The following USP45 variants were observed in gnomAD, a reference collection of about 807,000 sequenced individuals.
USP45 encodes the protein ubiquitin specific peptidase 45.
USP45 carries 89 observed loss-of-function variants against 95.8 expected under a neutral mutation model. That is an observed-to-expected ratio of 0.93 (90% confidence interval 0.78 to 1.11). The LOEUF (loss-of-function observed/expected upper bound fraction) is 1.11, where lower values mean the gene tolerates loss of function less well. USP45 is among the 50% of genes least tolerant of loss of function. USP45 has a pLI of 0.00. For synonymous variants in USP45, 281 were observed against 316.2 expected (o/e 0.89, Z 1.18); for missense variants, 898 against 942.5 (o/e 0.95, Z 0.62).
chr6:99,475,099 T>C (rs1790473401), intron 9 of USP45, among the ~76,000 whole-genome samples: 1 of 152,182 alleles, frequency 6.6e-6, no homozygotes, highest in African/African-American at 2.4e-5. Context: ...CTACTGGGAA[T>C]TTAAAAATTG....
chr6:99,438,844 C>G (rs1780999777), intron 16 of USP45, among the ~76,000 whole-genome samples: 1 of 152,102 alleles, frequency 6.6e-6, no homozygotes, highest in Admixed American at 6.5e-5. Flanking sequence ...GGTTTTAGGG[C>G]TGGGTGCTGG....
chr6:99,445,761 G>A lies in USP45; in HGVS notation c.1975+36C>T, dbSNP rs758923381. ...ATTTGTAACTCACTAGACACTATCA[G>A]GAGATCAATAATTATGTAATTAAAA... On this transcript the variant is annotated intron_variant, in intron 14 of 17. Transcript: ENST00000500704. 3 of 1,419,948 alleles carry A rather than the reference G, an allele frequency of 2.1e-6. No homozygotes were observed. In the African/African-American group the frequency reaches 4.4e-5, roughly 21 times the overall value. 88.0% of individuals were successfully genotyped at this position (1,419,948 alleles called of 1,614,324 possible).
chr6:99,437,039 TGCAGTGA>T (rs1337497845), intron 17 of USP45, among the ~76,000 whole-genome samples, 200 bp downstream of exon 17: 1 of 152,188 alleles, frequency 6.6e-6, no homozygotes, highest in Admixed American at 6.5e-5. Flanking sequence ...AGACAGAGGT[TGCAGTGA>T]GCCAAGATCG....
chr6:99,462,554 G>C, intron 13 of USP45: 1 of 985,270 alleles, frequency 1.0e-6, no homozygotes, highest in East Asian at 1.1e-4. Context: ...TATACCATTA[G>C]AATAAAGCAT....
At chr6:99,486,845 A>AC (rs1794024182) in intron 7 of USP45, among the ~76,000 whole-genome samples, 1 of 152,018 alleles carries the variant, frequency 6.6e-6, no homozygotes, top group South Asian at 2.1e-4. Flanking sequence ...ACACACACAC[A>AC]AACACACACA....
chr6:99,477,389 C>T (rs1199175673), intron 8 of USP45, among the ~76,000 whole-genome samples: 3 of 152,088 alleles, frequency 2.0e-5, no homozygotes, highest in East Asian at 1.9e-4. Flanking sequence ...CTGCAACCTC[C>T]GCCTCCTGGG....
intron 10 of USP45, among the ~76,000 whole-genome samples, chr6:99,467,590 T>C (rs1331435391): frequency 6.6e-6 from 1 of 152,094 alleles, no homozygotes; most frequent in Non-Finnish European, 1.5e-5. Context: ...AAATTGTATT[T>C]AGAAATACTA....
intron 17 of USP45, among the ~76,000 whole-genome samples, chr6:99,436,158 C>G (rs553721222): frequency 3.9e-4 from 59 of 152,152 alleles, no homozygotes; most frequent in African/African-American, 1.4e-3. Context: ...CCCTAGCCCC[C>G]CTCCCCCGAC....
chr6:99,471,341 C>T (rs938343127), intron 9 of USP45, among the ~76,000 whole-genome samples: 1 of 151,600 alleles, frequency 6.6e-6, no homozygotes, highest in Non-Finnish European at 1.5e-5. Flanking sequence ...AATCAATTAG[C>T]AGTATCAAGG....
chr6:99,502,331 A>G (rs1324632917), intron 5 of USP45, among the ~76,000 whole-genome samples: 2 of 152,276 alleles, frequency 1.3e-5, no homozygotes, highest in East Asian at 3.9e-4. Context: ...TTGCTATATT[A>G]AAACTATAAT....
chr6:99,496,158 AAAAT>A (rs1322845838), intron 5 of USP45, among the ~76,000 whole-genome samples: 9 of 152,178 alleles, frequency 5.9e-5, no homozygotes, highest in Non-Finnish European at 1.2e-4. Context: ...AAAACAGACA[AAAAT>A]AAATAGAGAT....
At chr6:99,436,630 C>G (rs1428889183) in intron 17 of USP45, among the ~76,000 whole-genome samples, 1 of 152,064 alleles carries the variant, frequency 6.6e-6, no homozygotes, top group South Asian at 2.1e-4. Flanking sequence ...TCCAACTCTT[C>G]TGACAATCTG....
chr6:99,468,144 G>C, intron 10 of USP45: 1 of 455,624 alleles, frequency 2.2e-6, no homozygotes, highest in Non-Finnish European at 4.4e-6. Context: ...AGTCTTTGGA[G>C]CACTTAAACA....
At chr6:99,452,264 T>C (rs1201873829) in intron 13 of USP45, among the ~76,000 whole-genome samples, 1 of 151,850 alleles carries the variant, frequency 6.6e-6, no homozygotes, top group African/African-American at 2.4e-5. Flanking sequence ...TGGGAGAAAA[T>C]TTTGCAACCT....
chr6:99,499,189 A>G (rs1383307388), intron 5 of USP45, among the ~76,000 whole-genome samples: 1 of 152,224 alleles, frequency 6.6e-6, no homozygotes, highest in African/African-American at 2.4e-5. Flanking sequence ...AAATGTGTTT[A>G]ACATACAGGC....
chr6:99,464,916 G>T, intron 12 of USP45, 164 bp downstream of exon 12: 2 of 959,156 alleles, frequency 2.1e-6, no homozygotes. Context: ...CATACTTTAT[G>T]CATACTTACA....
chr6:99,451,390 A>G (rs904962793), intron 13 of USP45, among the ~76,000 whole-genome samples: 4 of 152,222 alleles, frequency 2.6e-5, no homozygotes, highest in Non-Finnish European at 5.9e-5. Flanking sequence ...TACACCAATA[A>G]TAGACAGAGA....
chr6:99,491,900 A>G (rs1284765228), intron 5 of USP45, among the ~76,000 whole-genome samples: 1 of 152,122 alleles, frequency 6.6e-6, no homozygotes, highest in Non-Finnish European at 1.5e-5. Context: ...TGTTTTATAT[A>G]CTTATGAAAT....
At chr6:99,493,342 A>T (rs1406186757) in intron 5 of USP45, among the ~76,000 whole-genome samples, 2 of 152,150 alleles carry the variant, frequency 1.3e-5, no homozygotes, top group Admixed American at 1.3e-4. Context: ...TAAATTTATG[A>T]TAACTGTAAT....
Sources: allele counts gnomAD v4.1 joint callset (sites outside exome capture counted in the v4.1 genomes callset), GRCh38; gene constraint gnomAD v4.1.1; transcripts MANE v1.5; gene names NCBI Gene and HGNC (gene_info 2026-07-23, HGNC 2026-07-21).